Variants in BCL2L13 observed in about 807,000 individuals in gnomAD.
BCL2L13 encodes the protein BCL2 like 13, also known as bcl-2-like protein 13.
BCL2L13 carries 13 observed loss-of-function variants against 25.8 expected under a neutral mutation model. The observed-to-expected ratio is 0.50, with a 90% CI of 0.33 to 0.80. The LOEUF is 0.80. Among genes scored for constraint, BCL2L13 ranks in the 30% least tolerant of loss-of-function variants. BCL2L13 has a pLI of 0.02. For synonymous variants in BCL2L13, 244 were observed against 230.3 expected, an observed-to-expected ratio of 1.06 and a Z score of -0.54; for missense variants, 504 against 574.9, an observed-to-expected ratio of 0.88 and a Z score of 1.26.
intron 5 of BCL2L13, among the ~76,000 whole-genome samples, chr22:17,697,641 T>C (rs911528847): frequency 6.6e-6 from 1 of 152,216 alleles, no homozygotes; most frequent in Admixed American, 6.5e-5. Flanking sequence ...ATAGTAAAGC[T>C]CAGTAAACAG....
intron 2 of BCL2L13, among the ~76,000 whole-genome samples, chr22:17,666,808 C>T (rs1288792021): frequency 6.6e-6 from 1 of 151,786 alleles, no homozygotes; most frequent in African/African-American, 2.4e-5. Flanking sequence ...CTGCCTCAGC[C>T]TCCTGAGTAG....
In BCL2L13 at chr22:17,727,951, C is replaced by T. The variant is rs1429038676; in HGVS notation, c.*417C>T. 1 of 191,442 alleles carries T rather than the reference C, an allele frequency of 5.2e-6. No individual in the cohort carries two copies. Among genetic ancestry groups the T allele is most frequent in the Non-Finnish European group, 1.1e-5 (1 of 90,308 alleles). The allele number at this position is 191,442 out of a possible 1,614,324, so 11.9% of individuals were successfully genotyped here. A position where few individuals can be genotyped will look rare whatever the true frequency, so the allele number is the denominator to read the frequency against. ...GCCAAATGTCCCGTGTGAACATCCC[C>T]TATTGAGACCCACTGCTTTAGCGAG... is the stretch of plus-strand genomic sequence containing the variant. On this transcript the variant is annotated 3_prime_UTR_variant, in exon 7 of 7. Coordinates refer to ENST00000317582, the MANE Select transcript of BCL2L13 (RefSeq NM_015367.4).
Position 17,638,758 on chromosome 22 carries a change from C to G in BCL2L13, c.-179C>G. 1 of 1,231,700 alleles carries G rather than the reference C, an allele frequency of 8.1e-7. No individual in the cohort carries two copies. The highest frequency in any genetic ancestry group is 1.0e-6 in the Non-Finnish European group (1 of 987,956). The allele number at this position is 1,231,700 out of a possible 1,614,324, so 76.3% of individuals were successfully genotyped here. ...ACGAAGGCACGCCGGGGTGACCTCACCCTCCAACATGGCGGCGGCGGTAGA... is the reference window on the plus strand; with the variant it reads ...ACGAAGGCACGCCGGGGTGACCTCAGCCTCCAACATGGCGGCGGCGGTAGA... On this transcript the variant is annotated 5_prime_UTR_variant, in exon 1 of 7. Coordinates refer to ENST00000317582, the MANE Select transcript of BCL2L13 (RefSeq NM_015367.4).
At chr22:17,653,214 AT>A (rs776814878) in intron 1 of BCL2L13, among the ~76,000 whole-genome samples, 17 of 152,016 alleles carry the variant, frequency 1.1e-4, no homozygotes, top group Non-Finnish European at 2.5e-4. Flanking sequence ...CCCTAAAGTG[AT>A]TTCCTTATCC....
At chr22:17,632,669 A>C (rs2146343746) in intron 1 of BCL2L13, among the ~76,000 whole-genome samples, 1 of 152,020 alleles carries the variant, frequency 6.6e-6, no homozygotes, top group East Asian at 1.9e-4. Context: ...TGAAATTAAT[A>C]TCTGGAATGG....
rs538036874 is a variant in BCL2L13, at chr22:17,665,072, C to G, written c.121+9240C>G. Among the ~76,000 whole-genome samples, 11 of 152,336 alleles carry G rather than the reference C, an allele frequency of 7.2e-5. No homozygotes were observed. In the South Asian group the frequency reaches 2.3e-3, roughly 32 times the overall value. On this transcript the variant is annotated intron_variant, in intron 2 of 6. Coordinates refer to ENST00000317582, the MANE Select transcript of BCL2L13 (RefSeq NM_015367.4). ...ATTTCTCCCTAGAAAATGGAGTTTTCTTTTCTACTGCATCATCAGACTGCA... is the reference window on the plus strand; with the variant it reads ...ATTTCTCCCTAGAAAATGGAGTTTTGTTTTCTACTGCATCATCAGACTGCA...
At chr22:17,651,437 C>T (rs1348364746) in intron 1 of BCL2L13, among the ~76,000 whole-genome samples, 3 of 151,670 alleles carry the variant, frequency 2.0e-5, no homozygotes, top group African/African-American at 7.3e-5. Flanking sequence ...GGCTGGAGTG[C>T]AATGACCGAT....
At chr22:17,640,235 ATTC>A (rs1288718751) in intron 1 of BCL2L13, among the ~76,000 whole-genome samples, 3 of 152,114 alleles carry the variant, frequency 2.0e-5, no homozygotes, top group African/African-American at 7.2e-5. Flanking sequence ...CAAGTGAAGT[ATTC>A]TTCATTTGGT....
At chr22:17,716,146 C>G (rs972257914) in intron 6 of BCL2L13, among the ~76,000 whole-genome samples, 2 of 152,106 alleles carry the variant, frequency 1.3e-5, no homozygotes, top group Admixed American at 1.3e-4. Flanking sequence ...TTGTGTGGTC[C>G]AGACTCAGTG....
At chr22:17,636,294 G>A (rs1186288186), upstream of BCL2L13, among the ~76,000 whole-genome samples, 2 of 148,794 alleles carry the variant, frequency 1.3e-5, no homozygotes, top group Non-Finnish European at 3.0e-5. Flanking sequence ...CTGCACTCCA[G>A]CCCAGGCAAC....
intron 2 of BCL2L13, among the ~76,000 whole-genome samples, chr22:17,682,980 A>G (rs1187015551): frequency 6.6e-6 from 1 of 152,134 alleles, no homozygotes; most frequent in Non-Finnish European, 1.5e-5. Context: ...AAAATACAAA[A>G]AAATTAGCCA....
chr22:17,691,753 A>G (rs980785196), intron 4 of BCL2L13, among the ~76,000 whole-genome samples: 1 of 152,194 alleles, frequency 6.6e-6, no homozygotes, highest in African/African-American at 2.4e-5. Flanking sequence ...TTTTAACTTT[A>G]TGGTGTAGTA....
chr22:17,695,686 C>T (rs1234118225), intron 4 of BCL2L13: 1 of 152,256 alleles, frequency 6.6e-6, no homozygotes, highest in Non-Finnish European at 1.5e-5. Context: ...TATTTCAACT[C>T]TTGTCTCCTC....
intron 6 of BCL2L13, among the ~76,000 whole-genome samples, chr22:17,716,729 A>G (rs1170568714): frequency 6.6e-6 from 1 of 152,164 alleles, no homozygotes; most frequent in Non-Finnish European, 1.5e-5. Context: ...TTATAAATAG[A>G]CTTCAAATGT....
intron 3 of BCL2L13, among the ~76,000 whole-genome samples, chr22:17,684,032 C>T (rs950240403): frequency 1.4e-4 from 22 of 151,904 alleles, no homozygotes; most frequent in Non-Finnish European, 2.2e-4. Context: ...CACTGGACGA[C>T]GACTACACAG....
At chr22:17,644,411 A>T (rs1034364345) in intron 1 of BCL2L13, among the ~76,000 whole-genome samples, 1 of 150,312 alleles carries the variant, frequency 6.7e-6, no homozygotes, top group Non-Finnish European at 1.5e-5. Flanking sequence ...GCTCACTGCA[A>T]TCTTTGCCTC....
At chr22:17,650,623 C>T (rs1160192507) in intron 1 of BCL2L13, among the ~76,000 whole-genome samples, 1 of 152,114 alleles carries the variant, frequency 6.6e-6, no homozygotes, top group African/African-American at 2.4e-5. Flanking sequence ...TTTTCCAAGT[C>T]TGAAAGTATA....
intron 1 of BCL2L13, among the ~76,000 whole-genome samples, chr22:17,653,542 C>T (rs899173842): frequency 1.4e-5 from 2 of 142,402 alleles, no homozygotes; most frequent in East Asian, 2.1e-4. Flanking sequence ...CTTTGTCACT[C>T]AGGCTGCAGT....
chr22:17,640,073 C>T (rs2058219260), intron 1 of BCL2L13, among the ~76,000 whole-genome samples: 1 of 152,126 alleles, frequency 6.6e-6, no homozygotes, highest in Non-Finnish European at 1.5e-5. Context: ...AGGATGGTCT[C>T]GAACTCCCAA....
Sources: allele counts gnomAD v4.1 joint callset (sites outside exome capture counted in the v4.1 genomes callset), GRCh38; gene constraint gnomAD v4.1.1; transcripts MANE v1.5; gene names NCBI Gene and HGNC (gene_info 2026-07-23, HGNC 2026-07-21).